The following SMPDL3A variants were observed in gnomAD, a reference collection of about 807,000 sequenced individuals.
SMPDL3A encodes sphingomyelin phosphodiesterase acid like 3A, also known as cyclic GMP-AMP phosphodiesterase SMPDL3A.
Under a neutral mutation model 38.5 loss-of-function variants are expected in SMPDL3A, and 39 were observed. The observed-to-expected ratio is 1.01, with a 90% CI of 0.78 to 1.32. The LOEUF is 1.32. Among genes scored for constraint, SMPDL3A ranks in the 40% most tolerant of loss-of-function variants. The pLI is 0.00. For synonymous variants in SMPDL3A, 180 were observed against 194.3 expected, an observed-to-expected ratio of 0.93 and a Z score of 0.61; for missense variants, 502 against 536.2, an observed-to-expected ratio of 0.94 and a Z score of 0.63.
At chr6:122,807,069 C>T (rs1321957404) in intron 7 of SMPDL3A, among the ~76,000 whole-genome samples, 1 of 124,362 alleles carries the variant, frequency 8.0e-6, no homozygotes, top group Non-Finnish European at 1.8e-5. Context: ...TTTTATAATC[C>T]TATTGTAGAG....
At chr6:122,808,089 T>C (rs930751017) in intron 7 of SMPDL3A, among the ~76,000 whole-genome samples, 1 of 152,148 alleles carries the variant, frequency 6.6e-6, no homozygotes, top group African/African-American at 2.4e-5. Flanking sequence ...ATTTCTTATA[T>C]AATTTCTAAA....
chr6:122,798,971 A>T (rs904614428), intron 3 of SMPDL3A, among the ~76,000 whole-genome samples: 2 of 152,180 alleles, frequency 1.3e-5, no homozygotes, highest in Non-Finnish European at 2.9e-5. Context: ...GGAAATGTCA[A>T]ATGTAACATG....
intron 1 of SMPDL3A, among the ~76,000 whole-genome samples, chr6:122,790,060 T>C (rs772545810): frequency 3.3e-5 from 5 of 152,300 alleles, no homozygotes; most frequent in Non-Finnish European, 7.4e-5. Flanking sequence ...TCATTTCACC[T>C]GGATGTCCAC....
intron 1 of SMPDL3A, among the ~76,000 whole-genome samples, chr6:122,795,120 A>C (rs1781199503): frequency 6.6e-6 from 1 of 152,148 alleles, no homozygotes; most frequent in Non-Finnish European, 1.5e-5. Context: ...TTAGGTTATC[A>C]TGCTGATACT....
intron 1 of SMPDL3A, among the ~76,000 whole-genome samples, chr6:122,792,088 G>A (rs1781097329): frequency 6.6e-6 from 1 of 152,196 alleles, no homozygotes; most frequent in Admixed American, 6.5e-5. Context: ...TTGGAGTGTG[G>A]GCTCTGCCAC....
intron 1 of SMPDL3A, among the ~76,000 whole-genome samples, chr6:122,792,610 G>T (rs949272113): frequency 6.7e-6 from 1 of 149,382 alleles, no homozygotes; most frequent in Non-Finnish European, 1.5e-5. Context: ...AGATATTGTC[G>T]TTATCTGTTT....
intron 7 of SMPDL3A, among the ~76,000 whole-genome samples, chr6:122,806,671 C>A (rs1781633096): frequency 6.6e-6 from 1 of 152,184 alleles, no homozygotes; most frequent in Admixed American, 6.5e-5. Context: ...CATGTTCATT[C>A]TTCTTCTCCA....
Position 122,809,144 on chromosome 6 carries a change from C to A in SMPDL3A, c.1098C>A (p.Ser366=). Residue 366 remains serine (S), a synonymous_variant, in exon 8 of 8, where the codon TCC becomes TCA. Transcript: ENST00000368440. Reference sequence around the variant, plus strand: ...CAGAGGCGAATCTAAAGGGAGAGTCCATCTGGAAGCTGGAGTATATCCTGA... The same window carrying A: ...CAGAGGCGAATCTAAAGGGAGAGTCAATCTGGAAGCTGGAGTATATCCTGA... ...NLTEANLKGE[S]IWKLEYILTQ... 6.2e-7 allele frequency: 1 copy of A among 1,614,106 alleles called. No individual in the cohort carries two copies. Among genetic ancestry groups the A allele is most frequent in the Non-Finnish European group, 8.5e-7 (1 of 1,179,964 alleles).
chr6:122,792,353 T>C (rs1038801467), intron 1 of SMPDL3A, among the ~76,000 whole-genome samples: 1 of 152,204 alleles, frequency 6.6e-6, no homozygotes, highest in African/African-American at 2.4e-5. Flanking sequence ...CATTACTGAG[T>C]CATCTGTGAT....
chr6:122,801,266 T>A (rs768864217), intron 3 of SMPDL3A, 44 bp from the exon 4 acceptor site: 1 of 1,357,266 alleles, frequency 7.4e-7, no homozygotes, highest in East Asian at 2.3e-5. Flanking sequence ...AATTCAGCTG[T>A]GTATCTTTAA....
intron 1 of SMPDL3A, among the ~76,000 whole-genome samples, chr6:122,794,374 C>G (rs188326594): frequency 3.3e-5 from 5 of 151,940 alleles, no homozygotes; most frequent in East Asian, 1.9e-4. Flanking sequence ...GGGGCGGGCA[C>G]ATCACGAGGT....
chr6:122,796,163 T>C (rs1422659178), intron 2 of SMPDL3A, among the ~76,000 whole-genome samples: 1 of 152,150 alleles, frequency 6.6e-6, no homozygotes, highest in Non-Finnish European at 1.5e-5. Flanking sequence ...GGTGTTGATA[T>C]TAGGTCTTCA....
chr6:122,798,040 C>T (rs573785737), intron 3 of SMPDL3A, among the ~76,000 whole-genome samples: 2 of 147,906 alleles, frequency 1.4e-5, no homozygotes, highest in South Asian at 2.3e-4. Flanking sequence ...TCTACTTTCA[C>T]GCCTCTCTGT....
At chr6:122,793,285 C>G (rs574934538) in intron 1 of SMPDL3A, among the ~76,000 whole-genome samples, 3 of 152,144 alleles carry the variant, frequency 2.0e-5, no homozygotes, top group East Asian at 3.9e-4. Flanking sequence ...TCACTTAACT[C>G]TCACAGTAGG....
intron 3 of SMPDL3A, among the ~76,000 whole-genome samples, chr6:122,800,753 TG>T (rs960551070): frequency 2.0e-5 from 3 of 152,108 alleles, no homozygotes; most frequent in African/African-American, 7.2e-5. Flanking sequence ...TTTGTTTGTT[TG>T]TTTTTTTGTT....
intron 3 of SMPDL3A, among the ~76,000 whole-genome samples, chr6:122,798,949 C>T (rs1365569008): frequency 1.3e-5 from 2 of 152,136 alleles, no homozygotes; most frequent in African/African-American, 4.8e-5. Flanking sequence ...CATCTTTCCA[C>T]CTCACAGTTT....
At chr6:122,807,980 A>C (rs929333140) in intron 7 of SMPDL3A, among the ~76,000 whole-genome samples, 5 of 152,176 alleles carry the variant, frequency 3.3e-5, no homozygotes, top group Non-Finnish European at 7.4e-5. Flanking sequence ...ACAGCATCTG[A>C]GGTTCAGACT....
At chr6:122,807,759 A>G (rs1052037915) in intron 7 of SMPDL3A, among the ~76,000 whole-genome samples, 10 of 152,058 alleles carry the variant, frequency 6.6e-5, no homozygotes, top group African/African-American at 2.4e-4. Flanking sequence ...GTTATTCCCC[A>G]GAATAACAGG....
chr6:122,794,446 A>C (rs998047150), intron 1 of SMPDL3A, among the ~76,000 whole-genome samples: 1 of 151,962 alleles, frequency 6.6e-6, no homozygotes, highest in Admixed American at 6.6e-5. Flanking sequence ...AAATACAAAA[A>C]ATTAGCTGGG....
Sources: allele counts gnomAD v4.1 joint callset (sites outside exome capture counted in the v4.1 genomes callset), GRCh38; gene constraint gnomAD v4.1.1; transcripts MANE v1.5; gene names NCBI Gene and HGNC (gene_info 2026-07-23, HGNC 2026-07-21).